Variants in THBS2 observed in about 807,000 individuals in gnomAD.
THBS2 encodes thrombospondin-2.
THBS2 carries 47 observed loss-of-function variants against 135.2 expected under a neutral mutation model. The observed-to-expected ratio is 0.35, with a 90% CI of 0.28 to 0.44. The LOEUF (loss-of-function observed/expected upper bound fraction) is 0.44. THBS2 is among the 20% of genes least tolerant of loss of function. THBS2 has a pLI of 1.00. For synonymous variants in THBS2, 639 were observed against 633.8 expected, an observed-to-expected ratio of 1.01 and a Z score of -0.12; for missense variants, 1,288 against 1,603.1, an observed-to-expected ratio of 0.80 and a Z score of 3.36.
chr6:169,217,726 G>A lies in THBS2; in HGVS notation c.*96C>T. ...GAGTTAAGGTCAAGGGACAGGAGGTGCTGCTAGAGAGAGAAGCCACAAGGA... is the reference window on the plus strand; with the variant it reads ...GAGTTAAGGTCAAGGGACAGGAGGTACTGCTAGAGAGAGAAGCCACAAGGA... On this transcript the variant is annotated 3_prime_UTR_variant, in exon 22 of 22. Coordinates refer to ENST00000617924, the MANE Select transcript of THBS2 (RefSeq NM_003247.5). 3 of 1,394,348 alleles carry A rather than the reference G, an allele frequency of 2.2e-6. No homozygotes were observed. Among genetic ancestry groups the A allele is most frequent in the Non-Finnish European group, 3.0e-6 (3 of 1,008,700 alleles). 86.4% of individuals were successfully genotyped at this position (1,394,348 alleles called of 1,614,324 possible). A position where few individuals can be genotyped will look rare whatever the true frequency, so the allele number is the denominator to read the frequency against.
In THBS2 at chr6:169,216,432, AAAAAAC is replaced by A. The variant is rs1357436849; in HGVS notation, c.*1384_*1389del. The A allele has an allele frequency of 4.6e-5, 7 of 152,310 alleles. No individual in the cohort carries two copies. The highest frequency in any genetic ancestry group is 3.9e-4 in the East Asian group (2 of 5,194). 9.4% of individuals were successfully genotyped at this position (152,310 alleles called of 1,614,324 possible). On this transcript the variant is annotated 3_prime_UTR_variant, in exon 22 of 22. Coordinates refer to ENST00000617924, the MANE Select transcript of THBS2 (RefSeq NM_003247.5). ...AGCAAAAAAACAAACCAACCAACAA[AAAAAAC>A]AAAAACAAAAACAAACTTGTGCATA...
chr6:169,240,464 C>T lies in THBS2; in HGVS notation c.1020G>A (p.Thr340=), dbSNP rs748363238. 8.7e-6 allele frequency: 14 copies of T among 1,613,406 alleles called. No individual in the cohort carries two copies. Among genetic ancestry groups the T allele is most frequent in the Admixed American group, 6.7e-5 (4 of 60,000 alleles). Residue 340 remains threonine (T), a synonymous_variant, in exon 6 of 22, where the codon ACG becomes ACA. Transcript: ENST00000617924. ...TCTGGGGCCTCACCTTGCAGGTACA[C>T]GTGGTGCAGCTGTCCACCACCCACG... The part of the protein sequence containing the change: ...NETWVVDSCT[T]CTCKKFKTIC...
At chr6:169,221,013 C>T (rs1779407169) in intron 20 of THBS2, among the ~76,000 whole-genome samples, 1 of 152,208 alleles carries the variant, frequency 6.6e-6, no homozygotes, top group South Asian at 2.1e-4. Flanking sequence ...TACTGTTAAG[C>T]CAAGGGAAAA....
rs773657504 is a variant in THBS2 at position 169,217,915 on chromosome 6, A to C, written c.3512-86T>G. 3.3e-4 allele frequency: 424 copies of C among 1,269,326 alleles called. 1 individual carries two copies. Among genetic ancestry groups the C allele is most frequent in the Non-Finnish European group, 4.5e-4 (412 of 906,100 alleles). The allele number at this position is 1,269,326 out of a possible 1,614,324, so 78.6% of individuals were successfully genotyped here. A position where few individuals can be genotyped will look rare whatever the true frequency, so the allele number is the denominator to read the frequency against. On this transcript the variant is annotated intron_variant, in intron 21 of 21. Coordinates refer to ENST00000617924, the MANE Select transcript of THBS2 (RefSeq NM_003247.5). ...TATTTTGTTTTACCTAGAACCAGAA[A>C]TATAATTACTTTAATTAAAGATGAG... is the stretch of plus-strand genomic sequence containing the variant.
chr6:169,220,198 C>T lies in THBS2; in HGVS notation c.3511G>A (p.Asp1171Asn). ...YFSDLKYECR[D>N]I Reference sequence around the variant, plus strand: ...ACTAACCTGAAGTGCTCACACTCACCTCTGCATTCGTACTTGAGGTCTGAG... The same window carrying T: ...ACTAACCTGAAGTGCTCACACTCACTTCTGCATTCGTACTTGAGGTCTGAG... The change falls in exon 21 of 22, where the codon GAT (aspartate) becomes AAT (asparagine). Residue 1171 changes from aspartate to asparagine, a missense_variant and splice_region_variant. Around this residue, in one of 2 missense-constraint regions of THBS2, gnomAD observed 874 missense variants for 1,156.1 expected, o/e 0.76. Transcript: ENST00000617924. 6.2e-7 allele frequency: 1 copy of T among 1,613,336 alleles called. No individual in the cohort carries two copies. Among genetic ancestry groups the T allele is most frequent in the South Asian group, 1.1e-5 (1 of 90,994 alleles).
At position 169,241,340 on chromosome 6, in the gene THBS2, G is replaced by A. The variant is rs9766370; in HGVS notation, c.891+422C>T. On this transcript the variant is annotated intron_variant, in intron 5 of 21. Transcript: ENST00000617924. The surrounding 1 kb of genome is among the most constrained non-coding windows in gnomAD (Gnocchi z 5.5). The stretch of plus-strand genomic sequence containing the variant: ...CCTGCCAGCCTCACAGGAACTTCCC[G>A]TCCTGCCTCTTCAGCTATGCCAACA... Among the ~76,000 whole-genome samples, 2,009 of 152,090 alleles carry A rather than the reference G, an allele frequency of 0.013. 54 individuals are homozygous for A. The highest frequency in any genetic ancestry group is 0.046 in the African/African-American group (1,922 of 41,482).
intron 16 of THBS2, 82 bp downstream of exon 16, chr6:169,226,098 C>T: frequency 6.9e-7 from 1 of 1,440,268 alleles, no homozygotes. Context: ...GGGCAGTTGT[C>T]ACAGTGATCC....
chr6:169,231,893 C>T, intron 13 of THBS2, 87 bp downstream of exon 13: 1 of 1,466,136 alleles, frequency 6.8e-7, no homozygotes, highest in Non-Finnish European at 9.2e-7. Flanking sequence ...CTGTGCTGCC[C>T]CCGCCCCCCG....
At chr6:169,244,048 C>T (rs958924210) in intron 4 of THBS2, among the ~76,000 whole-genome samples, 2 of 152,164 alleles carry the variant, frequency 1.3e-5, no homozygotes, top group African/African-American at 4.8e-5. Flanking sequence ...TTGGCATCCA[C>T]CTGGCTTTGA....
At chr6:169,249,015 G>A in intron 2 of THBS2, 42 bp from the exon 3 acceptor site, 1 of 1,556,242 alleles carries the variant, frequency 6.4e-7, no homozygotes, top group Non-Finnish European at 8.7e-7. Flanking sequence ...CGTAGGGGAA[G>A]AGGGCGAGGT....
chr6:169,226,189 G>T lies in THBS2; in HGVS notation c.2529C>A (p.Asn843Lys), dbSNP rs1779622428. The T allele has an allele frequency of 6.2e-7, 1 of 1,613,324 alleles. No homozygotes were observed. The highest frequency in any genetic ancestry group is 8.5e-7 in the Non-Finnish European group (1 of 1,179,722). ...DHCDNCPLVH[N>K]PDQTDVDNDL... ...CTGCGGCTGCCCTCACCTGGTCAGG[G>T]TTGTGCACCAGGGGGCAGTTGTCAC... Residue 843 changes from asparagine (N) to lysine (K), a missense_variant, in exon 16 of 22, where the codon AAC becomes AAA. This residue lies in a region of THBS2 where 874 missense variants were observed against 1,156.1 expected (regional missense o/e 0.76). Transcript: ENST00000617924.
At chr6:169,235,070 C>G (rs1457491272) in intron 9 of THBS2, among the ~76,000 whole-genome samples, 163 bp from the exon 10 acceptor site, 4 of 152,224 alleles carry the variant, frequency 2.6e-5, no homozygotes, top group Admixed American at 6.5e-5. Flanking sequence ...AGCGTGATCG[C>G]ACCACTACGC....
Position 169,228,256 on chromosome 6 carries a change from G to C in THBS2, c.2285C>G (p.Pro762Arg). The part of the protein sequence containing the change: ...EKDNCQLLFN[P>R]RQADYDKDEV... ...ATCCTTGTCATAGTCAGCCTGGCGGGGATTGAAGAGGAGCTGGCAGTTGTC... is the reference window on the plus strand; with the variant it reads ...ATCCTTGTCATAGTCAGCCTGGCGGCGATTGAAGAGGAGCTGGCAGTTGTC... The change falls in exon 15 of 22, where the codon CCC becomes CGC. Residue 762 changes from proline (P) to arginine (R), a missense_variant. Pro to Arg is a moderately radical substitution (Grantham distance 103, BLOSUM62 -2). Transcript: ENST00000617924. 1 of 1,614,146 alleles carries C rather than the reference G, an allele frequency of 6.2e-7. No individual in the cohort carries two copies. The highest frequency in any genetic ancestry group is 8.5e-7 in the Non-Finnish European group (1 of 1,180,032).
At chr6:169,251,053 C>G (rs1291408659) in intron 1 of THBS2, among the ~76,000 whole-genome samples, 1 of 152,204 alleles carries the variant, frequency 6.6e-6, no homozygotes, top group Middle Eastern at 3.2e-3. Context: ...CTAAATATTC[C>G]TATTATTTCA....
At chr6:169,218,398 A>G (rs1583401458) in intron 21 of THBS2, among the ~76,000 whole-genome samples, 2 of 108,610 alleles carry the variant, frequency 1.8e-5, no homozygotes, top group African/African-American at 3.7e-5. Flanking sequence ...GGGTTGGTGG[A>G]GATGGATGGG....
chr6:169,237,877 C>A (rs78648166), intron 7 of THBS2, 82 bp from the exon 8 acceptor site: 4 of 1,458,432 alleles, frequency 2.7e-6, no homozygotes, highest in Non-Finnish European at 3.6e-6. Context: ...GGGCAGCTGG[C>A]GTGGGGCCAC....
chr6:169,243,270 T>C (rs1780437480), intron 4 of THBS2, among the ~76,000 whole-genome samples: 1 of 152,062 alleles, frequency 6.6e-6, no homozygotes, highest in Admixed American at 6.5e-5. Flanking sequence ...TGGGTGGGTA[T>C]GGCATGTAAT....
rs149237176 is a variant in THBS2, at chr6:169,248,505, G to T, written c.521C>A (p.Ala174Asp). The change falls in exon 3 of 22, where the codon GCT becomes GAT. Residue 174 changes from alanine (A) to aspartate (D), a missense_variant. By Grantham distance (126) the Ala-to-Asp change is moderately radical. Transcript: ENST00000617924. Reference sequence around the variant, plus strand: ...GTGCTCGTAGAAGGGCTCGTCCAGAGCGAAGCTGTCTATGAGGTCGCAGCC... The same window carrying T: ...GTGCTCGTAGAAGGGCTCGTCCAGATCGAAGCTGTCTATGAGGTCGCAGCC... ...HVGCDLIDSF[A>D]LDEPFYEHLQ... The T allele has an allele frequency of 1.7e-4, 270 of 1,613,924 alleles. No individual in the cohort carries two copies. The highest frequency in any genetic ancestry group is 2.0e-4 in the Non-Finnish European group (240 of 1,180,054).
chr6:169,232,556 C>T (rs11755960), intron 12 of THBS2, 108 bp downstream of exon 12: 1 of 1,503,330 alleles, frequency 6.7e-7, no homozygotes, highest in South Asian at 1.3e-5. Context: ...TCCCATGCCT[C>T]TCCCGGGCCA....
Sources: gnomAD v4.1 joint callset for allele counts (sites outside exome capture counted in the v4.1 genomes callset) on GRCh38, gnomAD v4.1.1 for gene constraint, gnomAD v4.1.1 regional missense constraint, Gnocchi (gnomAD v3.1) non-coding constraint, MANE v1.5 for transcripts, NCBI Gene and HGNC (gene_info 2026-07-23, HGNC 2026-07-21) for gene names.